Variants in ALK observed in about 807,000 individuals in gnomAD.
ALK encodes ALK receptor tyrosine kinase, also known as ALK tyrosine kinase receptor.
Under a neutral mutation model 163.1 loss-of-function variants are expected in ALK, and 74 were observed. The ratio of observed to expected loss-of-function variants is 0.45; its 90% CI spans 0.38 to 0.55. The LOEUF is 0.55. ALK is among the 20% of genes least tolerant of loss of function. The pLI, the probability that ALK is intolerant of heterozygous loss-of-function variation, is 0.00. For missense variants in ALK, 2,063 were observed against 2,105.3 expected (o/e 0.98, Z 0.39); for synonymous variants, 960 against 843.2 (o/e 1.14, Z -2.40).
At chr2:29,605,148 G>T (rs1283736033) in intron 3 of ALK, among the ~76,000 whole-genome samples, 1 of 152,138 alleles carries the variant, frequency 6.6e-6, no homozygotes, top group East Asian at 1.9e-4. Flanking sequence ...TTTTTCCACG[G>T]ACAGGGGGGT....
intron 1 of ALK, among the ~76,000 whole-genome samples, chr2:29,799,234 A>G (rs2148362946): frequency 6.6e-6 from 1 of 152,322 alleles, no homozygotes; most frequent in Admixed American, 6.5e-5. Context: ...GAAAAGAAAC[A>G]TTTTCAGAAA....
At chr2:29,544,998 G>A (rs1211253860) in intron 3 of ALK, among the ~76,000 whole-genome samples, 1 of 152,170 alleles carries the variant, frequency 6.6e-6, no homozygotes, top group African/African-American at 2.4e-5. Flanking sequence ...AACACTCACT[G>A]GGTATATGCC....
chr2:29,538,610 G>C (rs907277117), intron 3 of ALK, among the ~76,000 whole-genome samples: 1 of 152,104 alleles, frequency 6.6e-6, no homozygotes, highest in Non-Finnish European at 1.5e-5. Context: ...TTCCTTTACA[G>C]TGACACAAGC....
intron 4 of ALK, among the ~76,000 whole-genome samples, chr2:29,391,164 G>A (rs1472334281): frequency 2.6e-5 from 4 of 152,284 alleles, no homozygotes; most frequent in Non-Finnish European, 4.4e-5. Flanking sequence ...TGTGGGTGAC[G>A]GGGATCTGGA....
chr2:29,275,256 G>C, intron 10 of ALK, 29 bp from the exon 11 acceptor site: 1 of 1,614,000 alleles, frequency 6.2e-7, no homozygotes, highest in Non-Finnish European at 8.5e-7. Flanking sequence ...CACGGGCTGA[G>C]TTAGGTGAGG....
At chr2:29,878,294 G>T (rs1029997145) in intron 1 of ALK, among the ~76,000 whole-genome samples, 4 of 152,124 alleles carry the variant, frequency 2.6e-5, no homozygotes, top group African/African-American at 7.2e-5. Flanking sequence ...ATAAGCCTTT[G>T]GGAAATTAGG....
At chr2:29,762,017 G>A (rs1680719575) in intron 1 of ALK, among the ~76,000 whole-genome samples, 1 of 152,188 alleles carries the variant, frequency 6.6e-6, no homozygotes. Flanking sequence ...ATAGAGTAGG[G>A]GAATAATCGC....
chr2:29,462,854 A>G (rs1215853081), intron 4 of ALK, among the ~76,000 whole-genome samples: 1 of 152,182 alleles, frequency 6.6e-6, no homozygotes, highest in Non-Finnish European at 1.5e-5. Flanking sequence ...TTTTCCCCAT[A>G]GGAATTATGT....
chr2:29,621,710 T>G (rs1009825823), intron 3 of ALK, among the ~76,000 whole-genome samples: 1 of 152,220 alleles, frequency 6.6e-6, no homozygotes, highest in Non-Finnish European at 1.5e-5. Flanking sequence ...ATTCCACTAC[T>G]GGAGACTCTT....
intron 3 of ALK, among the ~76,000 whole-genome samples, chr2:29,583,627 T>C (rs1331694723): frequency 6.6e-6 from 1 of 152,134 alleles, no homozygotes; most frequent in Non-Finnish European, 1.5e-5. Context: ...TCCCTGCTTC[T>C]GCCCTCCCTA....
chr2:29,677,782 GGAATAGT>G (rs1677930171), intron 3 of ALK, among the ~76,000 whole-genome samples: 1 of 151,972 alleles, frequency 6.6e-6, no homozygotes, highest in African/African-American at 2.4e-5. Context: ...TAGGATCAGG[GGAATAGT>G]GAGTGGCCTC....
intron 4 of ALK, among the ~76,000 whole-genome samples, chr2:29,440,368 G>C (rs1050610915): frequency 6.9e-6 from 1 of 145,666 alleles, no homozygotes. Flanking sequence ...AGTAGCTGGA[G>C]TGCAGTGGTG....
At chr2:29,428,636 C>G (rs1488865989) in intron 4 of ALK, among the ~76,000 whole-genome samples, 1 of 151,704 alleles carries the variant, frequency 6.6e-6, no homozygotes, top group Non-Finnish European at 1.5e-5. Context: ...AAGAAATTAC[C>G]TACAAAGAAA....
chr2:29,230,418 T>C (rs1300514414), intron 15 of ALK, among the ~76,000 whole-genome samples: 2 of 152,100 alleles, frequency 1.3e-5, no homozygotes, highest in African/African-American at 4.8e-5. Flanking sequence ...AGATGATGCA[T>C]GCTGGGGACC....
chr2:29,571,031 A>T (rs1264885621), intron 3 of ALK, among the ~76,000 whole-genome samples: 1 of 152,232 alleles, frequency 6.6e-6, no homozygotes, highest in Non-Finnish European at 1.5e-5. Flanking sequence ...GAGTTGGAGG[A>T]GAGAAAAATA....
At chr2:29,590,860 A>G (rs1004619653) in intron 3 of ALK, among the ~76,000 whole-genome samples, 1 of 151,780 alleles carries the variant, frequency 6.6e-6, no homozygotes, top group Non-Finnish European at 1.5e-5. Context: ...TCACGAGGTC[A>G]GGAGATCGAG....
At chr2:29,759,992 AT>A (rs540280034) in intron 1 of ALK, among the ~76,000 whole-genome samples, 4 of 152,100 alleles carry the variant, frequency 2.6e-5, no homozygotes, top group Non-Finnish European at 4.4e-5. Context: ...GTATTACAGG[AT>A]TTTTTTTAAA....
At chr2:29,671,318 T>A (rs1310127630) in intron 3 of ALK, among the ~76,000 whole-genome samples, 1 of 152,102 alleles carries the variant, frequency 6.6e-6, no homozygotes, top group Non-Finnish European at 1.5e-5. Context: ...GGCTAGCAGT[T>A]TGTGCCCAGG....
At chr2:29,587,084 C>T (rs536954908) in intron 3 of ALK, among the ~76,000 whole-genome samples, 8 of 152,262 alleles carry the variant, frequency 5.3e-5, no homozygotes, top group African/African-American at 1.9e-4. Context: ...AGCCTAGGGC[C>T]TTTCTCTTGG....
Sources: gnomAD v4.1 joint callset for allele counts (sites outside exome capture counted in the v4.1 genomes callset) on GRCh38, gnomAD v4.1.1 for gene constraint, MANE v1.5 for transcripts, NCBI Gene and HGNC (gene_info 2026-07-23, HGNC 2026-07-21) for gene names.